UCKL1: variants seen among roughly 807,000 people sequenced by gnomAD.
UCKL1 encodes uridine-cytidine kinase 1 like 1.
A neutral mutation model predicts 59.2 loss-of-function variants in UCKL1; 65 were observed. That is an observed-to-expected ratio of 1.10 (90% CI 0.90 to 1.35). The LOEUF (loss-of-function observed/expected upper bound fraction) is 1.35. UCKL1 is among the 40% of genes most tolerant of loss of function. UCKL1 has a pLI of 0.00. For synonymous variants in UCKL1, 410 were observed against 323.1 expected (o/e 1.27, Z -2.88); for missense variants, 703 against 784.3 (o/e 0.90, Z 1.24).
chr20:63,943,400 G>A (rs1434339721), intron 8 of UCKL1, among the ~76,000 whole-genome samples: 1 of 152,190 alleles, frequency 6.6e-6, no homozygotes, highest in Non-Finnish European at 1.5e-5. Context: ...AGGAGTCAGG[G>A]GAGCCTCCAG....
chr20:63,951,430 G>A (rs1431074106), intron 1 of UCKL1, among the ~76,000 whole-genome samples: 2 of 152,140 alleles, frequency 1.3e-5, no homozygotes, highest in African/African-American at 2.4e-5. Context: ...TGAACCCCCC[G>A]CAGCAGGACA....
rs2054116115 is a variant in UCKL1 at position 63,940,603 on chromosome 20, C to T, written c.1293G>A (p.Gly431=). 2 of 1,608,550 alleles carry T rather than the reference C, an allele frequency of 1.2e-6. No individual in the cohort carries two copies. Among genetic ancestry groups the T allele is most frequent in the Non-Finnish European group, 1.7e-6 (2 of 1,179,650 alleles). Residue 431 remains glycine, a synonymous_variant, in exon 12 of 15, where the codon GGG becomes GGA. Coordinates refer to ENST00000354216, the MANE Select transcript of UCKL1 (RefSeq NM_017859.4). ...TILIQTNQLT[G]EPELHYLRLP... ...GGCTGCCCCCAGGCACCTCGGGCTC[C>T]CCGGTAAGCTGGTTGGTCTGGATGA...
At chr20:63,950,236 C>T (rs2057371222) in intron 1 of UCKL1, among the ~76,000 whole-genome samples, 1 of 152,178 alleles carries the variant, frequency 6.6e-6, no homozygotes, top group South Asian at 2.1e-4. Flanking sequence ...TGGTCTGTCT[C>T]AGAGCCAAGG....
intron 8 of UCKL1, among the ~76,000 whole-genome samples, chr20:63,941,771 G>A (rs942046539): frequency 6.6e-6 from 1 of 152,106 alleles, no homozygotes; most frequent in Non-Finnish European, 1.5e-5. Context: ...GTCTAGGAGC[G>A]GGCAGGAAAA....
chr20:63,953,330 G>T (rs2057989367), intron 1 of UCKL1: 1 of 152,128 alleles, frequency 6.6e-6, no homozygotes, highest in African/African-American at 2.4e-5. Flanking sequence ...TGTGAGCTGA[G>T]ATTGCGCCAC....
chr20:63,940,976 G>A lies in UCKL1; in HGVS notation c.1090C>T (p.His364Tyr). ...SKRLMRLLIE[H>Y]ALSFLPFQDC... ...TGAAAGGGCAGGAAGGAGAGCGCGT[G>A]CTCGATGAGCAGCCGCATCAGTCTC... Residue 364 changes from histidine (H) to tyrosine (Y), a missense_variant, in exon 10 of 15, where the codon CAC becomes TAC. Transcript: ENST00000354216. The A allele has an allele frequency of 3.3e-6, 5 of 1,528,378 alleles. No homozygotes were observed. The highest frequency in any genetic ancestry group is 4.4e-6 in the Non-Finnish European group (5 of 1,135,992). The allele number at this position is 1,528,378 out of a possible 1,614,324, so 94.7% of individuals were successfully genotyped here. A position where few individuals can be genotyped will look rare whatever the true frequency, so the allele number is the denominator to read the frequency against.
chr20:63,948,009 T>G (rs62218082), intron 1 of UCKL1, among the ~76,000 whole-genome samples: 20,522 of 152,036 alleles, frequency 0.13, 1,574 homozygotes, highest in Middle Eastern at 0.19. Flanking sequence ...TGGGGGGGCA[T>G]CAACGTGGCG....
chr20:63,949,917 G>T (rs539872830), intron 1 of UCKL1, among the ~76,000 whole-genome samples: 1 of 152,236 alleles, frequency 6.6e-6, no homozygotes. Flanking sequence ...GGCAGAGGCC[G>T]GGCTGGCACC....
Position 63,941,133 on chromosome 20 carries a change from T to C in UCKL1, c.999A>G (p.Val333=). The change falls in exon 9 of 15, where the codon GTA becomes GTG. Residue 333 remains valine, a synonymous_variant. Coordinates refer to ENST00000354216, the MANE Select transcript of UCKL1 (RefSeq NM_017859.4). The part of the protein sequence containing the change: ...TLSVLKSTPQ[V]RGMHTIIRDK... ...ACCTGATGATGGTGTGCATGCCCCG[T>C]ACCTGCGGCGTGCTCTTCAGGACGC... 1 of 1,596,164 alleles carries C rather than the reference T, an allele frequency of 6.3e-7. No homozygotes were observed. The highest frequency in any genetic ancestry group is 8.5e-7 in the Non-Finnish European group (1 of 1,174,792).
intron 5 of UCKL1, among the ~76,000 whole-genome samples, 158 bp downstream of exon 5, chr20:63,945,493 C>T (rs1290716110): frequency 6.6e-6 from 1 of 152,208 alleles, no homozygotes; most frequent in African/African-American, 2.4e-5. Flanking sequence ...ATGGACCCAG[C>T]TGTGGCATGC....
At position 63,944,604 on chromosome 20, in the gene UCKL1, G is replaced by A. The variant is rs1387787381; in HGVS notation, c.785C>T (p.Pro262Leu). The change falls in exon 6 of 15, where the codon CCC (proline) becomes CTC (leucine). Residue 262 changes from proline (P) to leucine (L), a missense_variant. By Grantham distance (98) the Pro-to-Leu change is moderately conservative (BLOSUM62 -3). Around this residue, in one of 4 missense-constraint regions of UCKL1, gnomAD observed 398 missense variants for 373.0 expected, o/e 1.07. Coordinates refer to ENST00000354216, the MANE Select transcript of UCKL1 (RefSeq NM_017859.4). ...GGGCTGGATGTACTGGTCGAAGGAG[G>A]GCTTGACAAACTTGTTGTACTGCTT... ...VIKQYNKFVK[P>L]SFDQYIQPTM... 1 of 1,613,178 alleles carries A rather than the reference G, an allele frequency of 6.2e-7. No individual in the cohort carries two copies. Among genetic ancestry groups the A allele is most frequent in the Non-Finnish European group, 8.5e-7 (1 of 1,179,890 alleles).
Position 63,945,601 on chromosome 20 carries a change from C to T in UCKL1, c.654+50G>A, listed in dbSNP as rs201605301. The stretch of plus-strand genomic sequence containing the variant: ...GAGGACGCACACCTCATGGACAGGG[C>T]GGCCAGGGCTGAGATACCAGCGGGG... On this transcript the variant is annotated intron_variant, in intron 5 of 14. Transcript: ENST00000354216. 5.6e-4 allele frequency: 894 copies of T among 1,590,780 alleles called. 4 individuals are homozygous for T. The East Asian group carries it at 9.5e-3, about 17-fold the overall frequency.
At position 63,941,046 on chromosome 20, in the gene UCKL1, G is replaced by C. The variant is rs1339446224; in HGVS notation, c.1023-3C>G. The C allele has an allele frequency of 6.3e-7, 1 of 1,586,806 alleles. No homozygotes were observed. The highest frequency in any genetic ancestry group is 8.6e-7 in the Non-Finnish European group (1 of 1,169,054). On this transcript the variant is annotated splice_polypyrimidine_tract_variant and splice_region_variant and intron_variant, in intron 9 of 14. Transcript: ENST00000354216. ...CGTCGCGACTGGTCTCCTTGTCCCT[G>C]TGGGGCCAACAGTTGAGCGGGAGCA...
At chr20:63,948,251 ACTGT>A (rs2056772399) in intron 1 of UCKL1, 1 of 152,148 alleles carries the variant, frequency 6.6e-6, no homozygotes, top group East Asian at 2.0e-4. Flanking sequence ...AACCACAGTC[ACTGT>A]CTGTGCAGGG....
chr20:63,944,903 G>A (rs942291477), intron 5 of UCKL1, among the ~76,000 whole-genome samples, 169 bp from the exon 6 acceptor site: 1 of 152,098 alleles, frequency 6.6e-6, no homozygotes, highest in African/African-American at 2.4e-5. Context: ...GTCTGCACCT[G>A]GTCCGTGGGC....
At chr20:63,941,445 G>T (rs1034780790) in intron 8 of UCKL1, 18 of 602,342 alleles carry the variant, frequency 3.0e-5, no homozygotes, top group African/African-American at 2.8e-4. Flanking sequence ...CCATCAGGCA[G>T]AAAGCTAGCG....
At chr20:63,943,744 C>A in intron 7 of UCKL1, 75 bp from the exon 8 acceptor site, 1 of 1,606,256 alleles carries the variant, frequency 6.2e-7, no homozygotes, top group South Asian at 1.1e-5. Context: ...AGGCCACCCC[C>A]ACCCAGGAAT....
chr20:63,943,545 GTGAC>G, intron 8 of UCKL1, 104 bp downstream of exon 8: 1 of 1,540,498 alleles, frequency 6.5e-7, no homozygotes, highest in South Asian at 1.1e-5. Flanking sequence ...CACCCCTTCT[GTGAC>G]TGGGGAAGAG....
In UCKL1 at chr20:63,946,447, T is replaced by C; in HGVS notation, c.304+6A>G. The C allele has an allele frequency of 1.3e-6, 2 of 1,550,322 alleles. No individual in the cohort carries two copies. Among genetic ancestry groups the C allele is most frequent in the Non-Finnish European group, 1.7e-6 (2 of 1,146,732 alleles). On this transcript the variant is annotated splice_donor_region_variant and intron_variant, in intron 2 of 14. Coordinates refer to ENST00000354216, the MANE Select transcript of UCKL1 (RefSeq NM_017859.4). ...GCAGCAGGTCCCACCCCCCCGCTGC[T>C]CTCACCGATGGCGAAGGCCTCTTTG... is the stretch of plus-strand genomic sequence containing the variant.
Sources: allele counts gnomAD v4.1 joint callset (sites outside exome capture counted in the v4.1 genomes callset), GRCh38; gene constraint gnomAD v4.1.1; regional missense constraint gnomAD v4.1.1; transcripts MANE v1.5; gene names NCBI Gene and HGNC (gene_info 2026-07-23, HGNC 2026-07-21).